The following NFATC4 variants were observed in gnomAD, a reference collection of about 807,000 sequenced individuals.
NFATC4 encodes nuclear factor of activated T-cells, cytoplasmic 4.
NFATC4 carries 25 observed loss-of-function variants against 73.4 expected under a neutral mutation model. That is an observed-to-expected ratio of 0.34 (90% CI 0.25 to 0.48). The LOEUF (loss-of-function observed/expected upper bound fraction) is 0.48, where lower values mean the gene tolerates loss of function less well. NFATC4 is among the 20% of genes least tolerant of loss of function. The probability of loss-of-function intolerance (pLI) is 0.99; values close to 1 mark genes in which losing one functional copy is unlikely to be tolerated. For missense variants in NFATC4, 1,130 were observed against 1,203.7 expected (o/e 0.94, Z 0.91); for synonymous variants, 523 against 510.3 (o/e 1.02, Z -0.34).
At chr14:24,375,785 C>T in intron 7 of NFATC4, 70 bp downstream of exon 7, 5 of 1,564,448 alleles carry the variant, frequency 3.2e-6, no homozygotes, top group Non-Finnish European at 4.4e-6. Flanking sequence ...CAGCTGGGTC[C>T]TCTTGCTCAG....
In NFATC4 at chr14:24,373,502, C is replaced by A; in HGVS notation, c.1559+132C>A. On this transcript the variant is annotated intron_variant, in intron 4 of 9. Coordinates refer to ENST00000250373, the MANE Select transcript of NFATC4 (RefSeq NM_004554.5). This position sits in a 1 kb window ranked among gnomAD's most constrained non-coding sequence, Gnocchi z 4.7. The stretch of plus-strand genomic sequence containing the variant: ...TCCTAGGAGCTGGCTTCAGGCCTAC[C>A]CACCATCTGGAAGAGGACTTTTGGG... 7.3e-7 allele frequency: 1 copy of A among 1,366,484 alleles called. No homozygotes were observed. The highest frequency in any genetic ancestry group is 1.0e-6 in the Non-Finnish European group (1 of 997,144). The allele number at this position is 1,366,484 out of a possible 1,614,324, so 84.6% of individuals were successfully genotyped here.
In NFATC4 at chr14:24,374,432, A is replaced by G. The variant is rs1250171906; in HGVS notation, c.1839A>G (p.Pro613=). ...TACTGACTGGCTCCAACTTCCTGCC[A>G]GACTCCAAGGTGGTGTTCATTGAGA... The part of the protein sequence containing the change: ...ELVLTGSNFL[P]DSKVVFIERG... The change falls in exon 6 of 10, where the codon CCA becomes CCG. Residue 613 remains proline (P), a synonymous_variant. Coordinates refer to ENST00000250373, the MANE Select transcript of NFATC4 (RefSeq NM_004554.5). 1 of 1,614,006 alleles carries G rather than the reference A, an allele frequency of 6.2e-7. No individual in the cohort carries two copies. The highest frequency in any genetic ancestry group is 1.1e-5 in the South Asian group (1 of 91,078).
At position 24,369,688 on chromosome 14, in the gene NFATC4, G is replaced by T. The variant is rs764644853; in HGVS notation, c.290G>T (p.Gly97Val). 1.5e-5 allele frequency: 24 copies of T among 1,611,966 alleles called. No homozygotes were observed. In the East Asian group the frequency reaches 5.4e-4, roughly 36 times the overall value. ...SQPARSVRLG[G>V]PGGGAGGAGG... ...CCCGCCAGGTCGGTGAGGCTGGGAG[G>T]ACCAGGAGGGGGTGCTGGGGGTGCT... Residue 97 changes from glycine to valine, a missense_variant, in exon 2 of 10, where the codon GGA (glycine) becomes GTA (valine). Gly to Val is a moderately radical substitution (Grantham distance 109). Around this residue, in one of 3 missense-constraint regions of NFATC4, gnomAD observed 585 missense variants for 574.3 expected, o/e 1.02. Transcript: ENST00000250373.
rs753004524 is a variant in NFATC4 at position 24,370,600 on chromosome 14, G to C, written c.1196+6G>C. 4 of 1,598,984 alleles carry C rather than the reference G, an allele frequency of 2.5e-6. No homozygotes were observed. In the Admixed American group the frequency reaches 5.0e-5, roughly 20 times the overall value. On this transcript the variant is annotated splice_donor_region_variant and intron_variant, in intron 2 of 9. Transcript: ENST00000250373. Reference sequence around the variant, plus strand: ...GGACACAGCCCTATCTTCAGGTGAGGGTTGCGCCTGGCACTACCGCTCTCT... The same window carrying C: ...GGACACAGCCCTATCTTCAGGTGAGCGTTGCGCCTGGCACTACCGCTCTCT...
At chr14:24,368,937 C>G (rs1278467016) in intron 1 of NFATC4, 8 of 682,600 alleles carry the variant, frequency 1.2e-5, no homozygotes, top group Non-Finnish European at 1.5e-5. Flanking sequence ...CGCACGAATC[C>G]GCGCTGCCCG....
In NFATC4 at chr14:24,369,819, G is replaced by C. The variant is rs564278195; in HGVS notation, c.421G>C (p.Gly141Arg). The change falls in exon 2 of 10, where the codon GGC becomes CGC. Residue 141 changes from glycine to arginine, a missense_variant. By Grantham distance (125) the Gly-to-Arg change is moderately radical. Around this residue, in one of 3 missense-constraint regions of NFATC4, gnomAD observed 585 missense variants for 574.3 expected, o/e 1.02. Transcript: ENST00000250373. ...GGACAACCCTGATGCCTGGGGGGAC[G>C]GCTCTCCTAGAGATTACCCCCCACC... ...LEDNPDAWGD[G>R]SPRDYPPPEG... 7 of 1,599,886 alleles carry C rather than the reference G, an allele frequency of 4.4e-6. No homozygotes were observed. The African/African-American group carries it at 9.4e-5, about 21-fold the overall frequency.
rs2042656539 is a variant in NFATC4 at position 24,377,503 on chromosome 14, T to G, written c.2642-135T>G. On this transcript the variant is annotated intron_variant, in intron 9 of 9. Coordinates refer to ENST00000250373, the MANE Select transcript of NFATC4 (RefSeq NM_004554.5). The surrounding 1 kb of genome is among the most constrained non-coding windows in gnomAD (Gnocchi z 4.2). ...ACGTGTTGGGGAAACTGAGGCCCAG[T>G]GGAATAGAAGCCAGTAGAGGAGGAA... 5 of 1,482,276 alleles carry G rather than the reference T, an allele frequency of 3.4e-6. No homozygotes were observed. Among genetic ancestry groups the G allele is most frequent in the Non-Finnish European group, 4.5e-6 (5 of 1,119,056 alleles). 91.8% of individuals were successfully genotyped at this position (1,482,276 alleles called of 1,614,324 possible). A position where few individuals can be genotyped will look rare whatever the true frequency, so the allele number is the denominator to read the frequency against.
Position 24,378,041 on chromosome 14 carries a change from T to A in NFATC4, c.*336T>A. 2 of 375,348 alleles carry A rather than the reference T, an allele frequency of 5.3e-6. No individual in the cohort carries two copies. Among genetic ancestry groups the A allele is most frequent in the East Asian group, 5.0e-5 (1 of 20,154 alleles). The allele number at this position is 375,348 out of a possible 1,614,324, so 23.3% of individuals were successfully genotyped here. Reference sequence around the variant, plus strand: ...TGGGGACAGGTTGATGGTAATAAACTGCTCAATGACCAGTGCTTCAGGCTC... The same window carrying A: ...TGGGGACAGGTTGATGGTAATAAACAGCTCAATGACCAGTGCTTCAGGCTC... On this transcript the variant is annotated 3_prime_UTR_variant, in exon 10 of 10. Transcript: ENST00000250373.
At position 24,369,870 on chromosome 14, in the gene NFATC4, G is replaced by C; in HGVS notation, c.472G>C (p.Ala158Pro). The C allele has an allele frequency of 6.2e-7, 1 of 1,610,352 alleles. No individual in the cohort carries two copies. ...AGAAGGCTTTGGGGGCTACAGAGAA[G>C]CAGGGGGCCAGGGTGGGGGGGCCTT... ...PPEGFGGYRE[A>P]GGQGGGAFFS... The change falls in exon 2 of 10, where the codon GCA becomes CCA. Residue 158 changes from alanine to proline, a missense_variant. Coordinates refer to ENST00000250373, the MANE Select transcript of NFATC4 (RefSeq NM_004554.5).
Position 24,368,364 on chromosome 14 carries a change from T to C in NFATC4, c.24T>C (p.Asp8=). 1 of 1,374,298 alleles carries C rather than the reference T, an allele frequency of 7.3e-7. No individual in the cohort carries two copies. 85.1% of individuals were successfully genotyped at this position (1,374,298 alleles called of 1,614,324 possible). The change falls in exon 1 of 10, where the codon GAT becomes GAC. Residue 8 remains aspartate (D), a synonymous_variant. Coordinates refer to ENST00000250373, the MANE Select transcript of NFATC4 (RefSeq NM_004554.5). ...CCATGGGGGCGGCCAGCTGCGAGGATGAGGAGCTGGAATTTAAGCTGGTGT... is the reference window on the plus strand; with the variant it reads ...CCATGGGGGCGGCCAGCTGCGAGGACGAGGAGCTGGAATTTAAGCTGGTGT... MGAASCE[D]EELEFKLVFG... is the part of the protein sequence containing the mutation.
upstream of NFATC4, chr14:24,367,513 C>T (rs1193292235): frequency 3.9e-6 from 6 of 1,535,154 alleles, no homozygotes; most frequent in Non-Finnish European, 5.2e-6. Flanking sequence ...GTTCTCAAAG[C>T]CTCTTTGGCT....
In NFATC4 at chr14:24,369,584, C is replaced by T. The variant is rs1344346572; in HGVS notation, c.186C>T (p.Pro62=). ...PPYGAAPIGI[P]RPPPPRPGMH... ...ATGGCGCTGCACCTATCGGTATTCC[C>T]CGACCTCCACCCCCTCGGCCTGGCA... The change falls in exon 2 of 10, where the codon CCC becomes CCT. Residue 62 remains proline, a synonymous_variant. Transcript: ENST00000250373. The T allele has an allele frequency of 2.5e-6, 4 of 1,612,748 alleles. No individual in the cohort carries two copies. The highest frequency in any genetic ancestry group is 2.2e-5 in the East Asian group (1 of 44,846).
At chr14:24,372,761 G>T (rs2042507078) in intron 3 of NFATC4, 158 bp downstream of exon 3, 1 of 859,092 alleles carries the variant, frequency 1.2e-6, no homozygotes, top group East Asian at 2.6e-5. Context: ...GGGGTGCAAG[G>T]ACCCGGATAT....
At chr14:24,368,025 G>C, upstream of NFATC4, 1 of 1,023,814 alleles carries the variant, frequency 9.8e-7, no homozygotes. Flanking sequence ...GGACTGAAGA[G>C]AGGACAGAGG....
At position 24,379,271 on chromosome 14, in the gene NFATC4, T is replaced by A. The variant is rs1020971482; in HGVS notation, c.*1566T>A. 1 of 152,354 alleles carries A rather than the reference T, an allele frequency of 6.6e-6. No individual in the cohort carries two copies. Among genetic ancestry groups the A allele is most frequent in the African/African-American group, 2.4e-5 (1 of 41,456 alleles). 9.4% of individuals were successfully genotyped at this position (152,354 alleles called of 1,614,324 possible). ...AAGTGATTAGCTCACCGGGCCTTGG[T>A]TGCTTTTCAAAGATCCCCTTCAGCC... On this transcript the variant is annotated 3_prime_UTR_variant, in exon 10 of 10. Coordinates refer to ENST00000250373, the MANE Select transcript of NFATC4 (RefSeq NM_004554.5).
rs2042690922 is a variant in NFATC4 at position 24,378,575 on chromosome 14, C to G, written c.*870C>G. 1 of 152,750 alleles carries G rather than the reference C, an allele frequency of 6.5e-6. No homozygotes were observed. Among genetic ancestry groups the G allele is most frequent in the Non-Finnish European group, 1.5e-5 (1 of 68,078 alleles). 9.5% of individuals were successfully genotyped at this position (152,750 alleles called of 1,614,324 possible). On this transcript the variant is annotated 3_prime_UTR_variant, in exon 10 of 10. Coordinates refer to ENST00000250373, the MANE Select transcript of NFATC4 (RefSeq NM_004554.5). Reference sequence around the variant, plus strand: ...GGAGGTCCAGGCCTCTAAGGCTTCTCTCCCTGGAGTGAGGGTGGAGGTGAG... The same window carrying G: ...GGAGGTCCAGGCCTCTAAGGCTTCTGTCCCTGGAGTGAGGGTGGAGGTGAG...
chr14:24,369,025 A>C, intron 1 of NFATC4: 2 of 1,246,232 alleles, frequency 1.6e-6, no homozygotes, highest in Non-Finnish European at 2.0e-6. Flanking sequence ...GCGAGGAGAG[A>C]GGGAGGAGCC....
intron 6 of NFATC4, among the ~76,000 whole-genome samples, chr14:24,374,932 G>A (rs565478305): frequency 2.6e-5 from 4 of 152,174 alleles, no homozygotes; most frequent in South Asian, 2.1e-4. Context: ...CTCTCCAAAC[G>A]CTGCTCACCA....
chr14:24,373,552 T>A lies in NFATC4; in HGVS notation c.1560-143T>A, dbSNP rs1490762931. ...GGTTGGGGGTACCCCAGAGAGGCCATCTCTGGGTTAGAAAATAGCCTCCTA... is the reference window on the plus strand; with the variant it reads ...GGTTGGGGGTACCCCAGAGAGGCCAACTCTGGGTTAGAAAATAGCCTCCTA... On this transcript the variant is annotated intron_variant, in intron 4 of 9. Coordinates refer to ENST00000250373, the MANE Select transcript of NFATC4 (RefSeq NM_004554.5). The surrounding 1 kb of genome is among the most constrained non-coding windows in gnomAD (Gnocchi z 4.7). 4 of 1,402,472 alleles carry A rather than the reference T, an allele frequency of 2.9e-6. No homozygotes were observed. Among genetic ancestry groups the A allele is most frequent in the Non-Finnish European group, 3.9e-6 (4 of 1,030,790 alleles). The allele number at this position is 1,402,472 out of a possible 1,614,324, so 86.9% of individuals were successfully genotyped here. A position where few individuals can be genotyped will look rare whatever the true frequency, so the allele number is the denominator to read the frequency against.
Sources: gnomAD v4.1 joint callset for allele counts (sites outside exome capture counted in the v4.1 genomes callset) on GRCh38, gnomAD v4.1.1 for gene constraint, gnomAD v4.1.1 regional missense constraint, Gnocchi (gnomAD v3.1) non-coding constraint, MANE v1.5 for transcripts, NCBI Gene and HGNC (gene_info 2026-07-23, HGNC 2026-07-21) for gene names.